Variants in VPS13C observed in about 807,000 individuals in gnomAD.
VPS13C encodes the protein vacuolar protein sorting 13 homolog C, also known as intermembrane lipid transfer protein VPS13C.
VPS13C carries 358 observed loss-of-function variants against 456.8 expected under a neutral mutation model. The ratio of observed to expected loss-of-function variants is 0.78; its 90% CI spans 0.72 to 0.86. The LOEUF (loss-of-function observed/expected upper bound fraction) is 0.86, where lower values mean the gene tolerates loss of function less well. VPS13C is among the 40% of genes least tolerant of loss of function. The probability of loss-of-function intolerance (pLI) is 0.00; values close to 1 mark genes in which losing one functional copy is unlikely to be tolerated. For missense variants in VPS13C, 4,818 were observed against 4,385.4 expected (o/e 1.10, Z -2.79); for synonymous variants, 1,578 against 1,486.7 (o/e 1.06, Z -1.41).
intron 51 of VPS13C, 106 bp from the exon 52 acceptor site, chr15:61,927,426 A>T: frequency 1.2e-6 from 1 of 807,476 alleles, no homozygotes; most frequent in East Asian, 2.5e-5. Context: ...TTTCTATAAC[A>T]GATATGGTGA....
rs751148498 is a variant in VPS13C, at chr15:61,974,341, T to C, written c.2485A>G (p.Met829Val). The C allele has an allele frequency of 6.1e-5, 99 of 1,612,604 alleles. 2 individuals carry two copies. The Middle Eastern group carries it at 3.6e-3, about 59-fold the overall frequency. The change falls in exon 25 of 85, where the codon ATG becomes GTG. Residue 829 changes from methionine (M) to valine (V), a missense_variant. Met to Val is a conservative substitution (Grantham distance 21). Around this residue, in one of 3 missense-constraint regions of VPS13C, gnomAD observed 4,552 missense variants for 4,130.6 expected, o/e 1.10. Coordinates refer to ENST00000644861, the MANE Select transcript of VPS13C (RefSeq NM_020821.3). ...TTCTGTGGCAAAGGTATACTGTTCA[T>C]CAAATATAGCACATCTTTCATCTTC... ...DQKMKDVLYLMNSIPLPQKSS... is the reference protein window; with the variant it reads ...DQKMKDVLYLVNSIPLPQKSS...
At chr15:61,865,513 A>G in intron 81 of VPS13C, 3 of 960,892 alleles carry the variant, frequency 3.1e-6, no homozygotes, top group South Asian at 4.8e-5. Context: ...TTAAATGACT[A>G]TATATACATA....
intron 53 of VPS13C, among the ~76,000 whole-genome samples, 166 bp from the exon 54 acceptor site, chr15:61,922,928 C>T (rs1567008265): frequency 6.6e-6 from 1 of 151,182 alleles, no homozygotes; most frequent in Non-Finnish European, 1.5e-5. Flanking sequence ...AATTCGTAAC[C>T]AAGAAAAACA....
chr15:62,004,133 G>A (rs1022404364), intron 15 of VPS13C, among the ~76,000 whole-genome samples: 1 of 151,844 alleles, frequency 6.6e-6, no homozygotes, highest in Non-Finnish European at 1.5e-5. Context: ...GAATTCGGCT[G>A]TGAATCCATC....
chr15:62,037,197 AATATAATATATAAATATATT>A (rs1275194518), intron 3 of VPS13C, among the ~76,000 whole-genome samples: 1 of 114,202 alleles, frequency 8.8e-6, no homozygotes, highest in Non-Finnish European at 1.7e-5. Flanking sequence ...AAATATAATA[AATATAATATATAAATATATT>A]ATATAATATA....
Position 61,974,279 on chromosome 15 carries a change from T to C in VPS13C, c.2538+9A>G, listed in dbSNP as rs2045639126. The C allele has an allele frequency of 6.2e-7, 1 of 1,606,790 alleles. No individual in the cohort carries two copies. Among genetic ancestry groups the C allele is most frequent in the East Asian group, 2.2e-5 (1 of 44,644 alleles). ...AAATAGGGTTATACATTTTATTGTA[T>C]CTATTTACCTGTCTCTCTGGAGACT... On this transcript the variant is annotated intron_variant, in intron 25 of 84. Transcript: ENST00000644861.
intron 12 of VPS13C, among the ~76,000 whole-genome samples, chr15:62,011,012 T>C (rs1487884097): frequency 3.3e-5 from 5 of 152,034 alleles, no homozygotes; most frequent in Non-Finnish European, 7.4e-5. Context: ...CTAGCAGAAT[T>C]TAGTAACAAA....
intron 66 of VPS13C, among the ~76,000 whole-genome samples, chr15:61,902,825 T>G (rs1208351472): frequency 6.9e-6 from 1 of 145,052 alleles, no homozygotes; most frequent in Non-Finnish European, 1.5e-5. Context: ...TTATTTCACA[T>G]AGTGAAGTCC....
intron 66 of VPS13C, among the ~76,000 whole-genome samples, chr15:61,893,426 A>C (rs1596300782): frequency 6.6e-6 from 1 of 152,192 alleles, no homozygotes; most frequent in Non-Finnish European, 1.5e-5. Flanking sequence ...AGTTTTTATC[A>C]GATGAACAGA....
intron 67 of VPS13C, among the ~76,000 whole-genome samples, chr15:61,885,894 A>C (rs1471418527): frequency 6.6e-6 from 1 of 152,114 alleles, no homozygotes; most frequent in Non-Finnish European, 1.5e-5. Flanking sequence ...CTCCGTGCTG[A>C]CTTCTCAAAT....
At chr15:61,893,813 T>A (rs971853055) in intron 66 of VPS13C, among the ~76,000 whole-genome samples, 1 of 152,068 alleles carries the variant, frequency 6.6e-6, no homozygotes, top group Non-Finnish European at 1.5e-5. Context: ...CTGATCAAAG[T>A]TAAGTTGTCA....
At position 62,060,429 on chromosome 15, in the gene VPS13C, G is replaced by T; in HGVS notation, c.-55C>A. 2.2e-6 allele frequency: 2 copies of T among 925,448 alleles called. No homozygotes were observed. Among genetic ancestry groups the T allele is most frequent in the South Asian group, 2.8e-5 (2 of 70,858 alleles). 57.3% of individuals were successfully genotyped at this position (925,448 alleles called of 1,614,324 possible). ...AGCCGGAACCGCCCGGCGCAGCTGAGGGCTGCGACCAGCGCTGCAAATGAC... is the reference window on the plus strand; with the variant it reads ...AGCCGGAACCGCCCGGCGCAGCTGATGGCTGCGACCAGCGCTGCAAATGAC... On this transcript the variant is annotated 5_prime_UTR_variant, in exon 1 of 85. Coordinates refer to ENST00000644861, the MANE Select transcript of VPS13C (RefSeq NM_020821.3).
At position 61,913,374 on chromosome 15, in the gene VPS13C, G is replaced by C; in HGVS notation, c.8487C>G (p.Phe2829Leu). ...KISTSAWSSS[F>L]SLDTVGSYGC... is the part of the protein sequence containing the mutation. ...CATAACTTCCCACTGTATCCAATGA[G>C]AAACTACTGGACCAGGCACTGGTTG... The change falls in exon 62 of 85, where the codon TTC becomes TTG. Residue 2829 changes from phenylalanine (F) to leucine (L), a missense_variant. Physicochemically the swap from Phe to Leu is conservative, Grantham distance 22 (BLOSUM62 0). Coordinates refer to ENST00000644861, the MANE Select transcript of VPS13C (RefSeq NM_020821.3). 5 of 1,614,060 alleles carry C rather than the reference G, an allele frequency of 3.1e-6. No homozygotes were observed. Among genetic ancestry groups the C allele is most frequent in the Non-Finnish European group, 4.2e-6 (5 of 1,179,984 alleles).
chr15:61,855,056 A>G (rs911138992), intron 83 of VPS13C, 102 bp from the exon 84 acceptor site: 3 of 912,666 alleles, frequency 3.3e-6, no homozygotes, highest in Non-Finnish European at 4.9e-6. Context: ...TCTTATAACA[A>G]GTAGGCTAAC....
intron 17 of VPS13C, 26 bp from the exon 18 acceptor site, chr15:61,991,120 A>G: frequency 6.7e-7 from 1 of 1,493,428 alleles, no homozygotes; most frequent in Non-Finnish European, 9.2e-7. Context: ...ATTTTAAGAA[A>G]TTAATTGCTT....
rs546181839 is a variant in VPS13C, at chr15:61,981,230, A to G, written c.2166+112T>C. The stretch of plus-strand genomic sequence containing the variant: ...CAAGGCTTGAAACACAGGCTAAAAA[A>G]TAAGTCTACATTTAGTTTAGTGAAC... On this transcript the variant is annotated intron_variant, in intron 22 of 84. Transcript: ENST00000644861. The G allele has an allele frequency of 4.0e-6, 5 of 1,259,824 alleles. No homozygotes were observed. In the Admixed American group the frequency reaches 1.4e-4, roughly 35 times the overall value. 78.0% of individuals were successfully genotyped at this position (1,259,824 alleles called of 1,614,324 possible).
chr15:61,922,590 G>A lies in VPS13C; in HGVS notation c.6782C>T (p.Thr2261Met), dbSNP rs754964470. ...ATGTTCAATGCCTTTGAAGCTTTCC[G>A]TTATTTCTGTTGCCGTGTCAACACC... ...FLGVDTATEITESFKGIEHSL... is the reference protein window; with the variant it reads ...FLGVDTATEIMESFKGIEHSL... The change falls in exon 54 of 85, where the codon ACG becomes ATG. Residue 2261 changes from threonine to methionine, a missense_variant. Physicochemically the swap from Thr to Met is moderately conservative, Grantham distance 81. Around this residue, in one of 3 missense-constraint regions of VPS13C, gnomAD observed 4,552 missense variants for 4,130.6 expected, o/e 1.10. Transcript: ENST00000644861. 3.7e-5 allele frequency: 59 copies of A among 1,613,814 alleles called. No homozygotes were observed. Among genetic ancestry groups the A allele is most frequent in the Non-Finnish European group, 4.4e-5 (52 of 1,179,958 alleles).
chr15:61,967,577 T>G (rs2045418206), intron 28 of VPS13C, 130 bp from the exon 29 acceptor site: 2 of 669,748 alleles, frequency 3.0e-6, no homozygotes, highest in Non-Finnish European at 2.5e-6. Flanking sequence ...TCATAGCTAT[T>G]AAATACAAAG....
At chr15:61,998,627 G>A (rs945144617) in intron 16 of VPS13C, among the ~76,000 whole-genome samples, 1 of 152,140 alleles carries the variant, frequency 6.6e-6, no homozygotes, top group Admixed American at 6.5e-5. Context: ...TTAGTAGATG[G>A]CAAAGCTGGG....
Sources: allele counts gnomAD v4.1 joint callset (sites outside exome capture counted in the v4.1 genomes callset), GRCh38; gene constraint gnomAD v4.1.1; regional missense constraint gnomAD v4.1.1; transcripts MANE v1.5; gene names NCBI Gene and HGNC (gene_info 2026-07-23, HGNC 2026-07-21).